The following SPATS2L variants were observed in gnomAD, a reference collection of about 807,000 sequenced individuals.
SPATS2L encodes the protein SPATS2-like protein.
Under a neutral mutation model 59.6 loss-of-function variants are expected in SPATS2L, and 30 were observed. The observed-to-expected ratio is 0.50, with a 90% CI of 0.38 to 0.68. The LOEUF is 0.68. SPATS2L is among the 30% of genes least tolerant of loss of function. The pLI, the probability that SPATS2L is intolerant of heterozygous loss-of-function variation, is 0.00. For synonymous variants in SPATS2L, 252 were observed against 263.5 expected (o/e 0.96, Z 0.42); for missense variants, 615 against 700.0 (o/e 0.88, Z 1.37).
chr2:200,307,620 G>C (rs867268478), intron 1 of SPATS2L, among the ~76,000 whole-genome samples: 6 of 152,226 alleles, frequency 3.9e-5, no homozygotes, highest in African/African-American at 1.4e-4. Flanking sequence ...GCGGGAGACG[G>C]GGTTGTCGTA....
chr2:200,412,949 T>C (rs1232066711), intron 4 of SPATS2L, among the ~76,000 whole-genome samples: 1 of 152,140 alleles, frequency 6.6e-6, no homozygotes, highest in Non-Finnish European at 1.5e-5. Context: ...CCCAGCTTCT[T>C]GGAGGCTGAG....
chr2:200,317,489 T>C (rs2079418614), intron 1 of SPATS2L, among the ~76,000 whole-genome samples: 1 of 152,188 alleles, frequency 6.6e-6, no homozygotes, highest in Non-Finnish European at 1.5e-5. Flanking sequence ...CCTCCTTATG[T>C]TGAATAATTT....
At position 200,467,392 on chromosome 2, in the gene SPATS2L, A is replaced by T; in HGVS notation, c.950A>T (p.Glu317Val). The T allele has an allele frequency of 6.2e-7, 1 of 1,612,292 alleles. No individual in the cohort carries two copies. Among genetic ancestry groups the T allele is most frequent in the Non-Finnish European group, 8.5e-7 (1 of 1,178,326 alleles). ...AEMQLAELRAEIKHFVSERKY... is the reference protein window; with the variant it reads ...AEMQLAELRAVIKHFVSERKY... ...ATGCAGCTGGCCGAACTCAGGGCAGAAATTAAGGTCAGTTCTAAAATATCA... is the reference window on the plus strand; with the variant it reads ...ATGCAGCTGGCCGAACTCAGGGCAGTAATTAAGGTCAGTTCTAAAATATCA... Residue 317 changes from glutamate to valine, a missense_variant, in exon 10 of 13, where the codon GAA becomes GTA. Coordinates refer to ENST00000409140, the MANE Select transcript of SPATS2L (RefSeq NM_001100423.2).
intron 7 of SPATS2L, among the ~76,000 whole-genome samples, chr2:200,439,833 C>T (rs1389942860): frequency 6.6e-6 from 1 of 152,132 alleles, no homozygotes; most frequent in Admixed American, 6.5e-5. Flanking sequence ...ATATTTGACA[C>T]GCTGGATTTT....
At chr2:200,398,738 C>G (rs2082429021) in intron 3 of SPATS2L, among the ~76,000 whole-genome samples, 1 of 152,174 alleles carries the variant, frequency 6.6e-6, no homozygotes, top group Non-Finnish European at 1.5e-5. Context: ...TTTCCCACCT[C>G]CTACGCACTG....
chr2:200,383,054 C>T (rs1345420282), intron 2 of SPATS2L, among the ~76,000 whole-genome samples: 4 of 152,084 alleles, frequency 2.6e-5, no homozygotes, highest in Admixed American at 1.3e-4. Context: ...GAATACCCTG[C>T]GGGGCTTGTT....
At chr2:200,358,378 C>T (rs756963666) in intron 2 of SPATS2L, among the ~76,000 whole-genome samples, 24 of 152,152 alleles carry the variant, frequency 1.6e-4, no homozygotes, top group African/African-American at 5.3e-4. Context: ...TGACCTACAC[C>T]GCTATTCCAT....
chr2:200,437,586 C>T (rs2084388057), intron 6 of SPATS2L, among the ~76,000 whole-genome samples: 1 of 152,140 alleles, frequency 6.6e-6, no homozygotes, highest in Non-Finnish European at 1.5e-5. Flanking sequence ...TGCATACTAC[C>T]ATTTGAATCT....
chr2:200,457,574 A>G (rs562598212), intron 8 of SPATS2L, among the ~76,000 whole-genome samples: 2 of 152,340 alleles, frequency 1.3e-5, no homozygotes, highest in East Asian at 3.9e-4. Context: ...GCGTCCTGAT[A>G]TGTTGGTTAC....
chr2:200,403,062 T>A (rs1559101324), intron 3 of SPATS2L, among the ~76,000 whole-genome samples: 1 of 152,234 alleles, frequency 6.6e-6, no homozygotes. Flanking sequence ...CGGGGACACT[T>A]GTCTCAAACT....
intron 2 of SPATS2L, among the ~76,000 whole-genome samples, chr2:200,355,834 C>T (rs1289454686): frequency 1.3e-5 from 2 of 152,178 alleles, no homozygotes; most frequent in Admixed American, 6.5e-5. Context: ...TTATAAGATC[C>T]TTACACCTGG....
intron 2 of SPATS2L, among the ~76,000 whole-genome samples, chr2:200,343,369 T>C (rs1424036936): frequency 1.3e-5 from 2 of 152,180 alleles, no homozygotes; most frequent in African/African-American, 4.8e-5. Context: ...TGTCTGTAGT[T>C]AACATTCATC....
intron 2 of SPATS2L, among the ~76,000 whole-genome samples, chr2:200,343,389 G>A (rs1204685139): frequency 1.3e-5 from 2 of 152,114 alleles, no homozygotes; most frequent in African/African-American, 2.4e-5. Context: ...CAGAATTATG[G>A]ATACAAGCAC....
chr2:200,412,174 C>A, intron 3 of SPATS2L, 137 bp from the exon 4 acceptor site: 1 of 539,430 alleles, frequency 1.9e-6, no homozygotes, highest in Non-Finnish European at 3.2e-6. Context: ...CTTGAGTATG[C>A]TTGATGACAA....
chr2:200,342,063 C>T (rs1022422938), intron 2 of SPATS2L, among the ~76,000 whole-genome samples: 17 of 152,270 alleles, frequency 1.1e-4, no homozygotes, highest in Middle Eastern at 6.8e-3. Flanking sequence ...TAATGTAGCA[C>T]TTGACACTCC....
chr2:200,339,143 A>G (rs572764816), intron 2 of SPATS2L, among the ~76,000 whole-genome samples: 4 of 152,382 alleles, frequency 2.6e-5, no homozygotes. Context: ...TCGCAACAAC[A>G]CATGTTATTA....
intron 2 of SPATS2L, among the ~76,000 whole-genome samples, chr2:200,359,865 G>A (rs1304585331): frequency 6.6e-6 from 1 of 152,078 alleles, no homozygotes; most frequent in Non-Finnish European, 1.5e-5. Flanking sequence ...GAGTCTGTCT[G>A]GACTACTCCA....
At chr2:200,339,658 A>T (rs3769468) in intron 2 of SPATS2L, among the ~76,000 whole-genome samples, 95,999 of 152,122 alleles carry the variant, frequency 0.63, 34,214 homozygotes, top group South Asian at 0.88. Context: ...GTTTAAAAAC[A>T]TGCTTGCAAT....
At chr2:200,332,175 AGAG>A (rs2079966460) in intron 2 of SPATS2L, among the ~76,000 whole-genome samples, 2 of 151,476 alleles carry the variant, frequency 1.3e-5, no homozygotes, top group Non-Finnish European at 2.9e-5. Flanking sequence ...AGGGAGAGGG[AGAG>A]GGAGAGACAG....
Sources: gnomAD v4.1 joint callset for allele counts (sites outside exome capture counted in the v4.1 genomes callset) on GRCh38, gnomAD v4.1.1 for gene constraint, MANE v1.5 for transcripts, NCBI Gene and HGNC (gene_info 2026-07-23, HGNC 2026-07-21) for gene names.